Variants in CFAP20DC observed in about 807,000 individuals in gnomAD.
CFAP20DC encodes the protein CFAP20 domain containing.
A neutral mutation model predicts 101.7 loss-of-function variants in CFAP20DC; 84 were observed. The ratio of observed to expected loss-of-function variants is 0.83; its 90% CI spans 0.69 to 0.99. CFAP20DC has a LOEUF of 0.99. CFAP20DC is among the 50% of genes least tolerant of loss of function. The probability of loss-of-function intolerance (pLI) is 0.00; values close to 1 mark genes in which losing one functional copy is unlikely to be tolerated. For synonymous variants in CFAP20DC, 359 were observed against 351.2 expected, an observed-to-expected ratio of 1.02 and a Z score of -0.25; for missense variants, 1,007 against 970.3, an observed-to-expected ratio of 1.04 and a Z score of -0.50.
At chr3:58,770,272 A>C (rs2070720313) in intron 15 of CFAP20DC, among the ~76,000 whole-genome samples, 1 of 152,222 alleles carries the variant, frequency 6.6e-6, no homozygotes, top group African/African-American at 2.4e-5. Flanking sequence ...TTCCTTCTAT[A>C]GACTGTTATC....
At chr3:58,816,548 G>A (rs547882627) in intron 14 of CFAP20DC, among the ~76,000 whole-genome samples, 3 of 152,264 alleles carry the variant, frequency 2.0e-5, no homozygotes, top group East Asian at 1.9e-4. Context: ...CTGGAAAATC[G>A]GGTGACTCCC....
rs1401906364 is a variant in CFAP20DC, at chr3:58,721,548, G to C, written c.198-3920C>G. Among the ~76,000 whole-genome samples the C allele has an allele frequency of 9.9e-5, 15 of 152,146 alleles. No individual in the cohort carries two copies. On this transcript the variant is annotated intron_variant, in intron 3 of 3. Transcript: ENST00000486145. The surrounding 1 kb of genome is among the most constrained non-coding windows in gnomAD (Gnocchi z 5.2). ...TAATACATGCAACAGGGAAGGAAGGGAGCAAGTCGTAGCACCCAAGACCCC... is the reference window on the plus strand; with the variant it reads ...TAATACATGCAACAGGGAAGGAAGGCAGCAAGTCGTAGCACCCAAGACCCC...
chr3:58,915,298 T>TA (rs1209423049), intron 5 of CFAP20DC, among the ~76,000 whole-genome samples: 1 of 152,148 alleles, frequency 6.6e-6, no homozygotes, highest in Admixed American at 6.6e-5. Context: ...ATCCAGTAGA[T>TA]ACGCCACAGA....
rs111498255 is a variant in CFAP20DC at position 58,884,679 on chromosome 3, T to A, written c.581A>T (p.Glu194Val). The A allele has an allele frequency of 2.4e-5, 39 of 1,613,580 alleles. No individual in the cohort carries two copies. The highest frequency in any genetic ancestry group is 2.2e-5 in the Non-Finnish European group (26 of 1,179,712). Residue 194 changes from glutamate to valine, a missense_variant, in exon 7 of 17, where the codon GAG (glutamate) becomes GTG (valine). Transcript: ENST00000482387. ...GCTTCGTGGTATAATATCTGTAGGC[T>A]CATCTGTTGAAAAGGGAACACCATA... The part of the protein sequence containing the change: ...AVYGVPFSTD[E>V]PTDIIPRSCQ...
Position 59,007,810 on chromosome 3 carries a change from A to C in CFAP20DC, c.278+31747T>G, listed in dbSNP as rs532911014. On this transcript the variant is annotated intron_variant, in intron 4 of 16. Coordinates refer to ENST00000482387, the MANE Select transcript of CFAP20DC (RefSeq NM_001394063.1). The surrounding 1 kb of genome is among the most constrained non-coding windows in gnomAD (Gnocchi z 4.4). ...TCTCAGGAAGCCTCATCCCTAGGGG[A>C]AGTGGGAGAGCACCCTATCAAGGAA... Among the ~76,000 whole-genome samples, 14 of 152,284 alleles carry C rather than the reference A, an allele frequency of 9.2e-5. No homozygotes were observed. In the East Asian group the frequency reaches 2.7e-3, roughly 29 times the overall value.
At chr3:58,816,201 T>A (rs1389350612) in intron 14 of CFAP20DC, among the ~76,000 whole-genome samples, 7 of 152,052 alleles carry the variant, frequency 4.6e-5, no homozygotes, top group Non-Finnish European at 5.9e-5. Context: ...TGAGTTCATG[T>A]CCTTTGTAGG....
Position 58,777,067 on chromosome 3 carries a change from AT to A in CFAP20DC, c.2238-23205del, listed in dbSNP as rs201540026. Among the ~76,000 whole-genome samples, 781 of 151,320 alleles carry A rather than the reference AT, an allele frequency of 5.2e-3. 6 individuals carry two copies. Among genetic ancestry groups the A allele is most frequent in the African/African-American group, 0.017 (709 of 40,684 alleles). Reference sequence around the variant, plus strand: ...AAGAGAGCTATTAAGATTAAAAAAAATATAGCTACTTATCTCCCTCACAAAT... The same window carrying A: ...AAGAGAGCTATTAAGATTAAAAAAAAATAGCTACTTATCTCCCTCACAAAT... On this transcript the variant is annotated intron_variant, in intron 15 of 16. Coordinates refer to ENST00000482387, the MANE Select transcript of CFAP20DC (RefSeq NM_001394063.1).
chr3:59,010,971 CAAT>C (rs2093568140), intron 4 of CFAP20DC, among the ~76,000 whole-genome samples: 1 of 152,110 alleles, frequency 6.6e-6, no homozygotes, highest in Non-Finnish European at 1.5e-5. Flanking sequence ...TTTGGGTCAA[CAAT>C]AAAATCAAGA....
chr3:58,848,765 A>T (rs1021984973), intron 13 of CFAP20DC, among the ~76,000 whole-genome samples: 4 of 152,188 alleles, frequency 2.6e-5, no homozygotes, highest in Admixed American at 6.5e-5. Context: ...TATGGGAAGT[A>T]ACTAGAAAAT....
At position 58,767,111 on chromosome 3, in the gene CFAP20DC, T is replaced by C. The variant is rs865973045; in HGVS notation, c.2238-13248A>G. Among the ~76,000 whole-genome samples, 8 of 152,180 alleles carry C rather than the reference T, an allele frequency of 5.3e-5. No individual in the cohort carries two copies. The South Asian group carries it at 1.0e-3, about 20-fold the overall frequency. On this transcript the variant is annotated intron_variant, in intron 15 of 16. Transcript: ENST00000482387. ...ACACAGTAGCTGCTCCCTCAATATTTGCCAAATGTATGACTATTGAAATAG... is the reference window on the plus strand; with the variant it reads ...ACACAGTAGCTGCTCCCTCAATATTCGCCAAATGTATGACTATTGAAATAG...
chr3:59,011,341 T>C (rs1198094050), intron 4 of CFAP20DC, among the ~76,000 whole-genome samples: 3 of 149,012 alleles, frequency 2.0e-5, no homozygotes, highest in Admixed American at 6.8e-5. Context: ...GAGGTTGAAG[T>C]GAGTCAAGAT....
intron 6 of CFAP20DC, among the ~76,000 whole-genome samples, chr3:58,890,192 C>T (rs1440653513): frequency 1.4e-5 from 2 of 148,118 alleles, no homozygotes; most frequent in Non-Finnish European, 1.5e-5. Flanking sequence ...CTGACCCCCC[C>T]ACCTCCCTCC....
At chr3:58,774,095 C>G (rs2071100884) in intron 15 of CFAP20DC, among the ~76,000 whole-genome samples, 1 of 151,484 alleles carries the variant, frequency 6.6e-6, no homozygotes, top group African/African-American at 2.4e-5. Context: ...GGAATCATTT[C>G]AGGGGTGAAA....
At chr3:58,831,618 G>A in intron 14 of CFAP20DC, 68 bp downstream of exon 14, 6 of 1,384,580 alleles carry the variant, frequency 4.3e-6, no homozygotes, top group Non-Finnish European at 6.1e-6. Context: ...AGGCAAAGCT[G>A]GGATTTGTTA....
chr3:58,778,932 C>T (rs1382584464), intron 15 of CFAP20DC, among the ~76,000 whole-genome samples: 1 of 152,204 alleles, frequency 6.6e-6, no homozygotes, highest in Admixed American at 6.5e-5. Context: ...GTGTCCCACC[C>T]AACCAACACC....
rs1241422684 is a variant in CFAP20DC at position 58,864,743 on chromosome 3, A to C, written c.1259-851T>G. Among the ~76,000 whole-genome samples, 1 of 152,214 alleles carries C rather than the reference A, an allele frequency of 6.6e-6. No homozygotes were observed. The highest frequency in any genetic ancestry group is 1.9e-4 in the East Asian group (1 of 5,200). Reference sequence around the variant, plus strand: ...AACAGGACAATTCACAGACTAAACCAAGCAGACTTTTCAAGTAATAGTAAA... The same window carrying C: ...AACAGGACAATTCACAGACTAAACCCAGCAGACTTTTCAAGTAATAGTAAA... On this transcript the variant is annotated intron_variant, in intron 11 of 16. Coordinates refer to ENST00000482387, the MANE Select transcript of CFAP20DC (RefSeq NM_001394063.1). The surrounding 1 kb of genome is among the most constrained non-coding windows in gnomAD (Gnocchi z 4.7).
chr3:58,849,822 T>C (rs1458767443), intron 12 of CFAP20DC, among the ~76,000 whole-genome samples: 1 of 152,196 alleles, frequency 6.6e-6, no homozygotes, highest in Non-Finnish European at 1.5e-5. Flanking sequence ...TTATGGTATT[T>C]AGCCTACTTA....
intron 6 of CFAP20DC, among the ~76,000 whole-genome samples, chr3:58,901,799 T>C (rs1372738088): frequency 2.0e-5 from 3 of 152,182 alleles, no homozygotes; most frequent in Non-Finnish European, 2.9e-5. Flanking sequence ...CATTTCAAAG[T>C]GAACTATTCA....
intron 16 of CFAP20DC, among the ~76,000 whole-genome samples, chr3:58,745,993 C>T (rs2068168783): frequency 1.3e-5 from 2 of 152,174 alleles, no homozygotes; most frequent in African/African-American, 2.4e-5. Context: ...TTATCACCAT[C>T]ATCATGGAAA....
Sources: allele counts gnomAD v4.1 joint callset (sites outside exome capture counted in the v4.1 genomes callset), GRCh38; gene constraint gnomAD v4.1.1; non-coding constraint Gnocchi (gnomAD v3.1); transcripts MANE v1.5; gene names NCBI Gene and HGNC (gene_info 2026-07-23, HGNC 2026-07-21).